Variants in KLHL20 observed in about 807,000 individuals in gnomAD.
KLHL20 encodes kelch-like protein 20.
In KLHL20, 29 loss-of-function variants were observed where a neutral mutation model predicts 69.5. That is an observed-to-expected ratio of 0.42 (90% confidence interval 0.31 to 0.57). The LOEUF is 0.57. Ranked by LOEUF, KLHL20 falls within the 20% of genes least tolerant of loss-of-function variation. The probability of loss-of-function intolerance (pLI) is 0.18; values close to 1 mark genes in which losing one functional copy is unlikely to be tolerated. For synonymous variants in KLHL20, 253 were observed against 265.2 expected, an observed-to-expected ratio of 0.95 and a Z score of 0.45; for missense variants, 419 against 776.0, an observed-to-expected ratio of 0.54 and a Z score of 5.47.
At chr1:173,773,146 T>A (rs764433701) in intron 8 of KLHL20, among the ~76,000 whole-genome samples, 1 of 152,080 alleles carries the variant, frequency 6.6e-6, no homozygotes, top group Non-Finnish European at 1.5e-5. Flanking sequence ...CCAATTTTTT[T>A]ATAGAGATAA....
At chr1:173,746,559 T>C (rs1340545464) in intron 3 of KLHL20, among the ~76,000 whole-genome samples, 2 of 152,134 alleles carry the variant, frequency 1.3e-5, no homozygotes, top group East Asian at 1.9e-4. Flanking sequence ...TACAAAGTAA[T>C]CTCTTTAATT....
chr1:173,728,069 A>G (rs1672065965), intron 2 of KLHL20, among the ~76,000 whole-genome samples: 2 of 152,200 alleles, frequency 1.3e-5, no homozygotes, highest in Non-Finnish European at 2.9e-5. Flanking sequence ...TACCAAGCAA[A>G]TGGAAAACAA....
chr1:173,766,316 G>A (rs563821308), intron 8 of KLHL20, 27 bp downstream of exon 8: 29 of 1,556,772 alleles, frequency 1.9e-5, no homozygotes, highest in South Asian at 9.7e-5. Flanking sequence ...GTCATTTTCC[G>A]TATTTTTATT....
chr1:173,769,561 G>A (rs1375440564), intron 8 of KLHL20, among the ~76,000 whole-genome samples: 3 of 152,108 alleles, frequency 2.0e-5, no homozygotes, highest in African/African-American at 7.2e-5. Context: ...GGCCTAGGTG[G>A]GAGGATTGCT....
intron 7 of KLHL20, 69 bp downstream of exon 7, chr1:173,757,228 A>C: frequency 7.1e-7 from 1 of 1,413,906 alleles, no homozygotes; most frequent in African/African-American, 1.4e-5. Context: ...TTAATTAGGA[A>C]ACAAATTGAT....
chr1:173,724,682 G>A (rs915393388), intron 2 of KLHL20, among the ~76,000 whole-genome samples: 1 of 152,120 alleles, frequency 6.6e-6, no homozygotes, highest in Non-Finnish European at 1.5e-5. Flanking sequence ...ACTCACACCT[G>A]TAGTCCCAGC....
intron 8 of KLHL20, among the ~76,000 whole-genome samples, chr1:173,767,364 G>A (rs920142483): frequency 2.0e-5 from 3 of 152,058 alleles, no homozygotes; most frequent in African/African-American, 7.2e-5. Context: ...GAGAGTACAG[G>A]TATCTCTTCA....
At chr1:173,731,216 A>C (rs1357960016) in intron 2 of KLHL20, among the ~76,000 whole-genome samples, 1 of 152,172 alleles carries the variant, frequency 6.6e-6, no homozygotes, top group Non-Finnish European at 1.5e-5. Context: ...GTCAGGAAAC[A>C]ACAGGTGCTG....
chr1:173,715,767 C>A, intron 1 of KLHL20: 1 of 425,264 alleles, frequency 2.4e-6, no homozygotes, highest in Non-Finnish European at 4.2e-6. Flanking sequence ...ACCTAACAGT[C>A]GGGACTATTT....
intron 10 of KLHL20, among the ~76,000 whole-genome samples, chr1:173,778,054 C>T (rs960405149): frequency 2.6e-5 from 4 of 151,828 alleles, no homozygotes; most frequent in African/African-American, 7.3e-5. Context: ...TTTTCTTTGC[C>T]GGAAGATTTT....
At position 173,716,008 on chromosome 1, in the gene KLHL20, G is replaced by A. The variant is rs1258193148; in HGVS notation, c.-36G>A. 2.5e-6 allele frequency: 4 copies of A among 1,611,084 alleles called. No individual in the cohort carries two copies. Among genetic ancestry groups the A allele is most frequent in the Admixed American group, 1.7e-5 (1 of 59,848 alleles). On this transcript the variant is annotated 5_prime_UTR_variant, in exon 2 of 12. Transcript: ENST00000209884. ...CTGCTTTTCTGTTGTCTTAGGTTCG[G>A]CTTTAGAGTGTGGTGAAGGGTACTT...
At chr1:173,780,106 G>A (rs963639289) in intron 10 of KLHL20, among the ~76,000 whole-genome samples, 2 of 151,946 alleles carry the variant, frequency 1.3e-5, no homozygotes, top group East Asian at 1.9e-4. Flanking sequence ...TCTGGTTTGC[G>A]TAAATCAAGG....
chr1:173,723,895 A>C (rs577329263), intron 2 of KLHL20, among the ~76,000 whole-genome samples: 21 of 152,294 alleles, frequency 1.4e-4, no homozygotes, highest in Admixed American at 3.3e-4. Context: ...TTACAACAAC[A>C]ACCTTTGTAG....
intron 2 of KLHL20, among the ~76,000 whole-genome samples, chr1:173,731,618 C>CA (rs1356058349): frequency 2.0e-5 from 3 of 148,570 alleles, no homozygotes; most frequent in Admixed American, 6.9e-5. Context: ...ATCACAAGGA[C>CA]AAAAAACCAA....
At chr1:173,776,724 C>T (rs537083626) in intron 10 of KLHL20, among the ~76,000 whole-genome samples, 36 of 152,210 alleles carry the variant, frequency 2.4e-4, no homozygotes, top group African/African-American at 7.7e-4. Flanking sequence ...AAAAACAGTT[C>T]GCTGTAGATG....
chr1:173,730,456 C>G (rs931939479), intron 2 of KLHL20, among the ~76,000 whole-genome samples: 2 of 152,034 alleles, frequency 1.3e-5, no homozygotes, highest in Non-Finnish European at 2.9e-5. Context: ...ATCATGCTAC[C>G]TGACTTCAAA....
chr1:173,731,170 T>C (rs1672257872), intron 2 of KLHL20, among the ~76,000 whole-genome samples: 1 of 152,122 alleles, frequency 6.6e-6, no homozygotes, highest in Admixed American at 6.5e-5. Flanking sequence ...CAGTGAGATA[T>C]CATCTCACAC....
chr1:173,728,107 A>G (rs947337757), intron 2 of KLHL20, among the ~76,000 whole-genome samples: 2 of 152,138 alleles, frequency 1.3e-5, no homozygotes, highest in African/African-American at 4.8e-5. Flanking sequence ...CTAGTCTCTG[A>G]TAAAACAGAC....
chr1:173,721,223 G>A (rs1221444655), intron 2 of KLHL20, among the ~76,000 whole-genome samples: 1 of 151,970 alleles, frequency 6.6e-6, no homozygotes, highest in African/African-American at 2.4e-5. Flanking sequence ...AAGGATAGCT[G>A]AGCTACTCCT....
Sources: allele counts gnomAD v4.1 joint callset (sites outside exome capture counted in the v4.1 genomes callset), GRCh38; gene constraint gnomAD v4.1.1; transcripts MANE v1.5; gene names NCBI Gene and HGNC (gene_info 2026-07-23, HGNC 2026-07-21).